DPYSL3: variants seen among roughly 807,000 people sequenced by gnomAD.
The protein encoded by DPYSL3 is dihydropyrimidinase-related protein 3.
Under a neutral mutation model 66.1 loss-of-function variants are expected in DPYSL3, and 16 were observed. The observed-to-expected ratio is 0.24, with a 90% CI of 0.16 to 0.37. The LOEUF (loss-of-function observed/expected upper bound fraction) is 0.37. Ranked by LOEUF, DPYSL3 falls within the 10% of genes least tolerant of loss-of-function variation. The pLI, the probability that DPYSL3 is intolerant of heterozygous loss-of-function variation, is 1.00. For missense variants in DPYSL3, 738 were observed against 916.2 expected (o/e 0.81, Z 2.51); for synonymous variants, 338 against 345.1 (o/e 0.98, Z 0.23).
intron 1 of DPYSL3, among the ~76,000 whole-genome samples, chr5:147,425,859 G>C (rs964608700): frequency 6.6e-6 from 1 of 152,172 alleles, no homozygotes; most frequent in Non-Finnish European, 1.5e-5. Flanking sequence ...GCTGGAGTAT[G>C]AGGGATGGAT....
rs1757948523 is a variant in DPYSL3, at chr5:147,395,678, G to A, written c.1847C>T (p.Pro616Leu). 6.2e-7 allele frequency: 1 copy of A among 1,614,082 alleles called. No homozygotes were observed. The highest frequency in any genetic ancestry group is 1.7e-5 in the Admixed American group (1 of 60,008). Residue 616 changes from proline (P) to leucine (L), a missense_variant, in exon 13 of 14, where the codon CCT becomes CTT. Coordinates refer to ENST00000343218, the MANE Select transcript of DPYSL3 (RefSeq NM_001197294.2). Reference protein sequence around the residue: ...HAVPRGMYDGPVFDLTTTPKG... With the variant: ...HAVPRGMYDGLVFDLTTTPKG... ...GGGGGTGGTGGTCAGGTCAAACACA[G>A]GCCCATCGTACATGCCCCTTGGGAC...
intron 1 of DPYSL3, among the ~76,000 whole-genome samples, chr5:147,446,674 T>C (rs1476070996): frequency 6.6e-6 from 1 of 152,232 alleles, no homozygotes; most frequent in African/African-American, 2.4e-5. Context: ...AGATCTGCTC[T>C]GAAGCAAGGC....
chr5:147,423,855 G>A (rs537283018), intron 2 of DPYSL3, among the ~76,000 whole-genome samples: 17 of 152,164 alleles, frequency 1.1e-4, no homozygotes, highest in African/African-American at 3.9e-4. Flanking sequence ...TGAGTAGCTG[G>A]GACTGCAGGC....
Position 147,504,760 on chromosome 5 carries a change from A to C in DPYSL3, c.381+4718T>G, listed in dbSNP as rs145113644. The stretch of plus-strand genomic sequence containing the variant: ...CAACTTCATGAAGGAAACATCTTGC[A>C]CAAAAGAGGCCCACATGGGAAGAAG... On this transcript the variant is annotated intron_variant, in intron 1 of 13. Transcript: ENST00000343218. Among the ~76,000 whole-genome samples the C allele has an allele frequency of 2.6e-5, 4 of 152,326 alleles. No individual in the cohort carries two copies. The East Asian group carries it at 7.7e-4, about 29-fold the overall frequency.
chr5:147,427,719 C>T (rs573864920), intron 1 of DPYSL3, among the ~76,000 whole-genome samples: 51 of 152,250 alleles, frequency 3.3e-4, no homozygotes, highest in African/African-American at 1.2e-3. Flanking sequence ...GAACCACTGC[C>T]CTCCTGCCTG....
chr5:147,507,327 G>A (rs372602485), intron 1 of DPYSL3, among the ~76,000 whole-genome samples: 14 of 151,274 alleles, frequency 9.3e-5, no homozygotes, highest in African/African-American at 3.4e-4. Context: ...CTACAGGTAG[G>A]TAGATTTGGG....
intron 1 of DPYSL3, among the ~76,000 whole-genome samples, chr5:147,455,985 T>A (rs1257141497): frequency 2.6e-5 from 4 of 152,228 alleles, no homozygotes; most frequent in Non-Finnish European, 5.9e-5. Context: ...CAGGTTTGCA[T>A]GCAAGAGGCC....
intron 1 of DPYSL3, among the ~76,000 whole-genome samples, chr5:147,448,319 G>C (rs1313796758): frequency 6.6e-6 from 1 of 152,174 alleles, no homozygotes; most frequent in Non-Finnish European, 1.5e-5. Flanking sequence ...TGTATCAAAA[G>C]TTCAAAGGCG....
intron 1 of DPYSL3, among the ~76,000 whole-genome samples, chr5:147,457,377 A>G (rs1357795543): frequency 3.9e-5 from 6 of 152,218 alleles, no homozygotes; most frequent in Non-Finnish European, 7.3e-5. Context: ...AGCCTTGTCC[A>G]TAGAAATTGC....
chr5:147,396,667 C>G (rs2152014902), intron 12 of DPYSL3, among the ~76,000 whole-genome samples: 1 of 152,200 alleles, frequency 6.6e-6, no homozygotes, highest in South Asian at 2.1e-4. Flanking sequence ...TCCCCAAAAC[C>G]AAGAACTCTA....
chr5:147,430,427 T>C (rs1752289744), intron 1 of DPYSL3, among the ~76,000 whole-genome samples: 1 of 151,154 alleles, frequency 6.6e-6, no homozygotes, highest in Non-Finnish European at 1.5e-5. Context: ...GGAGAATCAC[T>C]TGAACCTGGG....
intron 1 of DPYSL3, among the ~76,000 whole-genome samples, chr5:147,498,787 T>C (rs1322880507): frequency 1.3e-5 from 2 of 152,174 alleles, no homozygotes; most frequent in African/African-American, 4.8e-5. Flanking sequence ...TACTTTTTAA[T>C]GGGGTTGTTT....
chr5:147,482,166 A>G (rs1581213643), intron 1 of DPYSL3, among the ~76,000 whole-genome samples: 3 of 152,074 alleles, frequency 2.0e-5, no homozygotes. Flanking sequence ...GATACCCAAA[A>G]CCCATGGTTC....
chr5:147,448,191 C>T (rs1271492139), intron 1 of DPYSL3, among the ~76,000 whole-genome samples: 5 of 151,840 alleles, frequency 3.3e-5, no homozygotes, highest in Non-Finnish European at 7.4e-5. Context: ...GAAGAAACAG[C>T]TGAAAGGATC....
chr5:147,415,425 T>C (rs996726248), intron 4 of DPYSL3, among the ~76,000 whole-genome samples: 1 of 152,136 alleles, frequency 6.6e-6, no homozygotes, highest in Non-Finnish European at 1.5e-5. Flanking sequence ...GTGAAGAGCA[T>C]AGAATTTGGA....
chr5:147,441,685 C>T (rs73794739), intron 1 of DPYSL3, among the ~76,000 whole-genome samples: 3,775 of 152,172 alleles, frequency 0.025, 151 homozygotes, highest in African/African-American at 0.085. Context: ...CCTATTTTAC[C>T]GTATGACCTT....
chr5:147,423,181 G>C (rs1296574991), intron 2 of DPYSL3, among the ~76,000 whole-genome samples: 1 of 152,108 alleles, frequency 6.6e-6, no homozygotes, highest in Admixed American at 6.5e-5. Flanking sequence ...AAAATCAATT[G>C]TGGCTTATAT....
chr5:147,485,486 T>C (rs962346542), intron 1 of DPYSL3, among the ~76,000 whole-genome samples: 6 of 152,218 alleles, frequency 3.9e-5, no homozygotes, highest in African/African-American at 1.4e-4. Flanking sequence ...ACATTATTTA[T>C]TTACAATATT....
At chr5:147,414,217 C>G (rs1240324317) in intron 4 of DPYSL3, among the ~76,000 whole-genome samples, 1 of 152,206 alleles carries the variant, frequency 6.6e-6, no homozygotes, top group African/African-American at 2.4e-5. Context: ...ATTAATGGAT[C>G]TCCTGGGATC....
Sources: gnomAD v4.1 joint callset for allele counts (sites outside exome capture counted in the v4.1 genomes callset) on GRCh38, gnomAD v4.1.1 for gene constraint, MANE v1.5 for transcripts, NCBI Gene and HGNC (gene_info 2026-07-23, HGNC 2026-07-21) for gene names.